The following SYT14 variants were observed in gnomAD, a reference collection of about 807,000 sequenced individuals.
SYT14 encodes the protein synaptotagmin 14.
In SYT14, 32 loss-of-function variants were observed where a neutral mutation model predicts 74.2. The observed-to-expected ratio is 0.43, with a 90% CI of 0.33 to 0.58. SYT14 has a LOEUF of 0.58. Among genes scored for constraint, SYT14 ranks in the 20% least tolerant of loss-of-function variants. The probability of loss-of-function intolerance (pLI) is 0.05; values close to 1 mark genes in which losing one functional copy is unlikely to be tolerated. For synonymous variants in SYT14, 298 were observed against 337.7 expected (o/e 0.88, Z 1.29); for missense variants, 791 against 981.8 (o/e 0.81, Z 2.60).
intron 5 of SYT14, among the ~76,000 whole-genome samples, chr1:210,075,883 G>A (rs756350799): frequency 3.3e-5 from 5 of 152,110 alleles, no homozygotes; most frequent in Non-Finnish European, 5.9e-5. Context: ...TATTAATAGG[G>A]ACTTAAATTT....
chr1:210,021,060 A>T (rs747046642), exon 5 of SYT14: 4 of 1,613,936 alleles, frequency 2.5e-6, no homozygotes, highest in Admixed American at 1.7e-5. Context: ...ATGGACAAAG[A>T]TGAGCATGGT....
intron 5 of SYT14, among the ~76,000 whole-genome samples, chr1:210,038,052 CTAT>C (rs1227197934): frequency 1.5e-5 from 2 of 136,026 alleles, no homozygotes; most frequent in Non-Finnish European, 3.1e-5. Context: ...CAGTCCCCCA[CTAT>C]TATTGTATTG....
intron 6 of SYT14, among the ~76,000 whole-genome samples, chr1:210,095,113 T>C (rs2102528547): frequency 6.6e-6 from 1 of 152,304 alleles, no homozygotes; most frequent in Non-Finnish European, 1.5e-5. Flanking sequence ...TTACTTACTG[T>C]TTCGGAGCAA....
At chr1:210,039,594 G>C (rs966877900) in intron 5 of SYT14, among the ~76,000 whole-genome samples, 2 of 152,104 alleles carry the variant, frequency 1.3e-5, no homozygotes, top group African/African-American at 4.8e-5. Context: ...AGAGTGAACA[G>C]GCACCCTACA....
chr1:210,129,732 A>G (rs921956948), intron 7 of SYT14, among the ~76,000 whole-genome samples: 16 of 152,202 alleles, frequency 1.1e-4, no homozygotes, highest in African/African-American at 2.7e-4. Context: ...CTTGAGGTCT[A>G]TTTCACACAA....
chr1:210,162,671 A>G, exon 10 of SYT14: 1 of 446,894 alleles, frequency 2.2e-6, no homozygotes, highest in South Asian at 1.6e-5. Context: ...AGAACTTGTT[A>G]TTACCATAAT....
chr1:210,055,245 C>T (rs1419487665), intron 5 of SYT14, among the ~76,000 whole-genome samples: 3 of 152,126 alleles, frequency 2.0e-5, no homozygotes, highest in Non-Finnish European at 4.4e-5. Context: ...TGTAAATTGT[C>T]TAAAAATACT....
chr1:210,123,114 G>A (rs184435496), intron 7 of SYT14, among the ~76,000 whole-genome samples: 1 of 152,312 alleles, frequency 6.6e-6, no homozygotes, highest in African/African-American at 2.4e-5. Context: ...AAAAGAAAAT[G>A]CAAGAAAGAG....
At chr1:210,087,657 CT>C (rs1046374685) in intron 5 of SYT14, among the ~76,000 whole-genome samples, 5 of 152,134 alleles carry the variant, frequency 3.3e-5, no homozygotes, top group African/African-American at 1.2e-4. Flanking sequence ...AGTCTGGTCA[CT>C]TTCTGAATTG....
At chr1:210,140,092 T>C (rs780789429) in intron 7 of SYT14, among the ~76,000 whole-genome samples, 52 of 152,198 alleles carry the variant, frequency 3.4e-4, no homozygotes, top group South Asian at 4.1e-4. Flanking sequence ...GTATGAGAGT[T>C]TCAGTTTCTC....
chr1:210,159,488 G>A lies in SYT14; in HGVS notation c.2281+11G>A. 1 of 1,551,210 alleles carries A rather than the reference G, an allele frequency of 6.4e-7. No homozygotes were observed. The highest frequency in any genetic ancestry group is 8.7e-7 in the Non-Finnish European group (1 of 1,146,626). ...TTTATATAATCCGAGGTGAGTTCCT[G>A]TAGAGGCTAATTGGATGTTGTCTTT... On this transcript the variant is annotated intron_variant, in intron 9 of 9. Transcript: ENST00000637265.
chr1:209,991,104 A>T (rs1350245811), intron 2 of SYT14, among the ~76,000 whole-genome samples: 4 of 152,084 alleles, frequency 2.6e-5, no homozygotes, highest in African/African-American at 9.7e-5. Context: ...TGGACTCCTA[A>T]CTCTCACCAC....
At chr1:210,128,941 T>C (rs2082623028) in intron 7 of SYT14, among the ~76,000 whole-genome samples, 1 of 152,254 alleles carries the variant, frequency 6.6e-6, no homozygotes, top group Non-Finnish European at 1.5e-5. Context: ...TTGTGTTTCA[T>C]CAGATTTTTC....
chr1:210,147,699 T>G (rs913837243), intron 7 of SYT14, among the ~76,000 whole-genome samples: 1 of 151,954 alleles, frequency 6.6e-6, no homozygotes, highest in African/African-American at 2.4e-5. Flanking sequence ...CATAATACAA[T>G]AAGTATAGGG....
chr1:209,940,535 A>G (rs1021496254), intron 1 of SYT14, among the ~76,000 whole-genome samples: 2 of 152,164 alleles, frequency 1.3e-5, no homozygotes, highest in African/African-American at 4.8e-5. Flanking sequence ...TAAGAGATGG[A>G]TCATCTTTCC....
At chr1:210,137,156 GT>G (rs2082803954) in intron 7 of SYT14, among the ~76,000 whole-genome samples, 1 of 152,152 alleles carries the variant, frequency 6.6e-6, no homozygotes, top group African/African-American at 2.4e-5. Context: ...TTTGTAATTT[GT>G]ATCAATCCCC....
chr1:210,061,613 G>A (rs2081209555), intron 5 of SYT14, among the ~76,000 whole-genome samples: 1 of 151,850 alleles, frequency 6.6e-6, no homozygotes, highest in Non-Finnish European at 1.5e-5. Context: ...ATTTAAGTTT[G>A]ATAGACTTGA....
chr1:209,980,591 T>G (rs2079465669), intron 2 of SYT14, among the ~76,000 whole-genome samples: 1 of 152,238 alleles, frequency 6.6e-6, no homozygotes, highest in Admixed American at 6.5e-5. Flanking sequence ...GTTTTACATT[T>G]CATTCTTTAT....
chr1:210,115,572 A>G (rs2082344113), intron 7 of SYT14, among the ~76,000 whole-genome samples: 1 of 151,258 alleles, frequency 6.6e-6, no homozygotes, highest in Admixed American at 6.6e-5. Context: ...CTCTGTCTCT[A>G]CCAGAAAAGG....
Sources: gnomAD v4.1 joint callset for allele counts (sites outside exome capture counted in the v4.1 genomes callset) on GRCh38, gnomAD v4.1.1 for gene constraint, MANE v1.5 for transcripts, NCBI Gene and HGNC (gene_info 2026-07-23, HGNC 2026-07-21) for gene names.